Variants in ADGRB3 observed in about 807,000 individuals in gnomAD.
ADGRB3 encodes the protein brain-specific angiogenesis inhibitor 3.
A neutral mutation model predicts 193.4 loss-of-function variants in ADGRB3; 37 were observed. That is an observed-to-expected ratio of 0.19 (90% CI 0.15 to 0.25). The LOEUF (loss-of-function observed/expected upper bound fraction) is 0.25, where lower values mean the gene tolerates loss of function less well. Ranked by LOEUF, ADGRB3 falls within the 10% of genes least tolerant of loss-of-function variation. ADGRB3 has a pLI of 1.00. For synonymous variants in ADGRB3, 690 were observed against 644.2 expected (o/e 1.07, Z -1.08); for missense variants, 1,637 against 1,852.9 (o/e 0.88, Z 2.14).
intron 17 of ADGRB3, among the ~76,000 whole-genome samples, chr6:69,228,005 C>T (rs558823587): frequency 1.3e-5 from 2 of 152,296 alleles, no homozygotes; most frequent in Non-Finnish European, 2.9e-5. Context: ...CCTGTAATCC[C>T]AGCACTTTGG....
chr6:68,757,527 T>C (rs1766319463), intron 3 of ADGRB3, among the ~76,000 whole-genome samples: 1 of 152,144 alleles, frequency 6.6e-6, no homozygotes, highest in South Asian at 2.1e-4. Flanking sequence ...CTTCCGTTTT[T>C]ATTTTTTTGT....
intron 3 of ADGRB3, among the ~76,000 whole-genome samples, chr6:68,813,209 T>G (rs1767554802): frequency 6.6e-6 from 1 of 152,156 alleles, no homozygotes; most frequent in Non-Finnish European, 1.5e-5. Flanking sequence ...TTCTCTCTTG[T>G]GGCTGCCATG....
intron 17 of ADGRB3, among the ~76,000 whole-genome samples, chr6:69,158,462 G>T (rs996199609): frequency 6.7e-6 from 1 of 149,000 alleles, no homozygotes; most frequent in African/African-American, 2.5e-5. Context: ...AATACAAAAT[G>T]AGGCTTAAGC....
At chr6:68,884,356 G>A (rs770273584) in intron 3 of ADGRB3, among the ~76,000 whole-genome samples, 1 of 152,060 alleles carries the variant, frequency 6.6e-6, no homozygotes, top group Non-Finnish European at 1.5e-5. Context: ...TGTGATAAGC[G>A]CTGCAAAGAC....
At chr6:69,133,934 A>G (rs185995470) in intron 17 of ADGRB3, among the ~76,000 whole-genome samples, 10 of 152,108 alleles carry the variant, frequency 6.6e-5, no homozygotes, top group Admixed American at 5.9e-4. Flanking sequence ...AGATCATAAG[A>G]TGTTTTGTTT....
intron 10 of ADGRB3, among the ~76,000 whole-genome samples, chr6:68,987,105 C>T (rs1029381028): frequency 2.0e-5 from 3 of 152,040 alleles, no homozygotes; most frequent in African/African-American, 4.8e-5. Flanking sequence ...TAAGACTTGT[C>T]CTTTGGAGCA....
intron 3 of ADGRB3, among the ~76,000 whole-genome samples, chr6:68,729,271 T>C (rs1765728296): frequency 2.6e-5 from 4 of 151,648 alleles, no homozygotes; most frequent in African/African-American, 9.6e-5. Context: ...AATCTAGAAG[T>C]CGATACCAGA....
At chr6:69,197,407 A>G (rs914617404) in intron 17 of ADGRB3, among the ~76,000 whole-genome samples, 13 of 123,524 alleles carry the variant, frequency 1.1e-4, no homozygotes, top group Non-Finnish European at 1.8e-4. Flanking sequence ...CTTCATGATT[A>G]CTAAAGACTT....
At chr6:68,906,530 G>C (rs1021343987) in intron 3 of ADGRB3, among the ~76,000 whole-genome samples, 4 of 151,824 alleles carry the variant, frequency 2.6e-5, no homozygotes, top group Non-Finnish European at 5.9e-5. Flanking sequence ...AAGAATGTTG[G>C]AAATTTTAAA....
chr6:69,320,100 A>G (rs1394030174), intron 20 of ADGRB3, among the ~76,000 whole-genome samples: 2 of 151,420 alleles, frequency 1.3e-5, no homozygotes, highest in African/African-American at 2.4e-5. Context: ...ATTAACATAA[A>G]TGTTCAAGCG....
intron 3 of ADGRB3, among the ~76,000 whole-genome samples, chr6:68,658,515 A>G (rs1006958908): frequency 1.3e-5 from 2 of 151,206 alleles, no homozygotes. Flanking sequence ...AACCAAGCCT[A>G]TTGCTCAAAG....
At chr6:69,040,364 T>TC (rs1235876301) in intron 13 of ADGRB3, among the ~76,000 whole-genome samples, 1 of 54,090 alleles carries the variant, frequency 1.8e-5, no homozygotes, top group Non-Finnish European at 4.0e-5. Context: ...TTTCTTTCTT[T>TC]CTTTCTTTCT....
intron 17 of ADGRB3, among the ~76,000 whole-genome samples, chr6:69,152,420 A>G (rs922357518): frequency 5.3e-5 from 8 of 152,200 alleles, no homozygotes; most frequent in African/African-American, 1.2e-4. Context: ...ATGTTCTCCT[A>G]TTATGTAAAT....
intron 20 of ADGRB3, among the ~76,000 whole-genome samples, chr6:69,273,831 C>T (rs767449494): frequency 3.3e-5 from 5 of 152,234 alleles, no homozygotes; most frequent in Admixed American, 6.5e-5. Flanking sequence ...TCTATGTTTC[C>T]GCCATATGGA....
At position 68,839,832 on chromosome 6, in the gene ADGRB3, A is replaced by T. The variant is rs575152401; in HGVS notation, c.758-90727A>T. Among the ~76,000 whole-genome samples the T allele has an allele frequency of 1.1e-3, 170 of 152,318 alleles. 5 individuals are homozygous for T. The South Asian group carries it at 0.035, about 31-fold the overall frequency. The stretch of plus-strand genomic sequence containing the variant: ...CAGGAAAGACAGTCTTGAATTGCCC[A>T]TGCCAACCCTCCCCTGTCTTATGGC... On this transcript the variant is annotated intron_variant, in intron 3 of 31. Coordinates refer to ENST00000370598, the MANE Select transcript of ADGRB3 (RefSeq NM_001704.3).
intron 20 of ADGRB3, among the ~76,000 whole-genome samples, chr6:69,322,726 C>T (rs1306157803): frequency 2.0e-5 from 3 of 151,750 alleles, no homozygotes; most frequent in Admixed American, 1.3e-4. Context: ...ATAGTTTTTG[C>T]GATGCTCTTT....
At chr6:68,875,068 C>T (rs1347999524) in intron 3 of ADGRB3, among the ~76,000 whole-genome samples, 2 of 138,410 alleles carry the variant, frequency 1.4e-5, no homozygotes, top group Admixed American at 7.5e-5. Flanking sequence ...CCTTTCTTTC[C>T]TTCTTTCTTT....
At chr6:69,152,753 A>C (rs1389746331) in intron 17 of ADGRB3, among the ~76,000 whole-genome samples, 1 of 152,338 alleles carries the variant, frequency 6.6e-6, no homozygotes, top group Non-Finnish European at 1.5e-5. Flanking sequence ...TTTTTCATTA[A>C]TTTTATATAC....
intron 20 of ADGRB3, among the ~76,000 whole-genome samples, chr6:69,320,260 T>A (rs1323373701): frequency 1.3e-5 from 2 of 151,458 alleles, no homozygotes; most frequent in Non-Finnish European, 3.0e-5. Context: ...CAATTTTATA[T>A]CTTCATGGCT....
Sources: gnomAD v4.1 joint callset for allele counts (sites outside exome capture counted in the v4.1 genomes callset) on GRCh38, gnomAD v4.1.1 for gene constraint, MANE v1.5 for transcripts, NCBI Gene and HGNC (gene_info 2026-07-23, HGNC 2026-07-21) for gene names.